The following PDE4D variants were observed in gnomAD, a reference collection of about 807,000 sequenced individuals.
PDE4D encodes the protein phosphodiesterase 4D.
In PDE4D, 24 loss-of-function variants were observed where a neutral mutation model predicts 87.4. The observed-to-expected ratio is 0.27, with a 90% CI of 0.20 to 0.39. PDE4D has a LOEUF of 0.39. Among genes scored for constraint, PDE4D ranks in the 10% least tolerant of loss-of-function variants. The pLI is 1.00. For synonymous variants in PDE4D, 384 were observed against 383.2 expected (o/e 1.00, Z -0.02); for missense variants, 714 against 1,041.0 (o/e 0.69, Z 4.32).
intron 1 of PDE4D, chr5:60,430,285 G>A (rs1156937418): frequency 2.1e-6 from 1 of 484,030 alleles, no homozygotes; most frequent in African/African-American, 2.0e-5. Context: ...ATTCTGCCGG[G>A]CCCAAGTTGG....
At chr5:59,628,547 C>T (rs1831175597) in intron 1 of PDE4D, among the ~76,000 whole-genome samples, 1 of 151,842 alleles carries the variant, frequency 6.6e-6, no homozygotes, top group African/African-American at 2.4e-5. Context: ...ATACTTATAC[C>T]ACCTATTACT....
chr5:59,060,898 G>A (rs1452151730), intron 5 of PDE4D, among the ~76,000 whole-genome samples: 1 of 152,072 alleles, frequency 6.6e-6, no homozygotes, highest in African/African-American at 2.4e-5. Context: ...AATCATTCCA[G>A]CCTGGAAGTC....
At chr5:59,536,090 G>C (rs1391767345) in intron 1 of PDE4D, among the ~76,000 whole-genome samples, 1 of 152,166 alleles carries the variant, frequency 6.6e-6, no homozygotes, top group African/African-American at 2.4e-5. Context: ...TGTAATGAAA[G>C]TGCTGTGAAA....
intron 1 of PDE4D, among the ~76,000 whole-genome samples, chr5:59,841,887 A>C (rs1743063974): frequency 6.6e-6 from 1 of 151,998 alleles, no homozygotes; most frequent in South Asian, 2.1e-4. Context: ...CAAGACTGAA[A>C]CTCCGTGTGT....
At chr5:59,489,988 A>G (rs1805887328) in intron 1 of PDE4D, among the ~76,000 whole-genome samples, 1 of 152,192 alleles carries the variant, frequency 6.6e-6, no homozygotes, top group Admixed American at 6.5e-5. Flanking sequence ...AGATAGTAAA[A>G]TTATAATATC....
At chr5:60,308,203 T>C (rs1754678209) in intron 1 of PDE4D, among the ~76,000 whole-genome samples, 1 of 152,224 alleles carries the variant, frequency 6.6e-6, no homozygotes, top group Admixed American at 6.5e-5. Context: ...ACAAATTCTG[T>C]CTCAACATAT....
chr5:59,069,593 C>T (rs998804232), intron 5 of PDE4D, among the ~76,000 whole-genome samples: 2 of 151,076 alleles, frequency 1.3e-5, no homozygotes, highest in African/African-American at 4.9e-5. Context: ...AAACAGCAGT[C>T]ACAGTCAACA....
chr5:60,377,043 T>C (rs1486087996), intron 1 of PDE4D, among the ~76,000 whole-genome samples: 2 of 152,240 alleles, frequency 1.3e-5, no homozygotes, highest in African/African-American at 4.8e-5. Flanking sequence ...ACAGTGTCTA[T>C]TTTGTTAGTT....
At chr5:59,379,960 T>C (rs938433278) in intron 1 of PDE4D, among the ~76,000 whole-genome samples, 14 of 152,092 alleles carry the variant, frequency 9.2e-5, no homozygotes, top group African/African-American at 3.4e-4. Flanking sequence ...ACCCAGTAGG[T>C]AGAGTTTCCT....
intron 2 of PDE4D, among the ~76,000 whole-genome samples, chr5:60,126,737 T>C (rs1398977089): frequency 1.3e-5 from 2 of 152,172 alleles, no homozygotes; most frequent in East Asian, 1.9e-4. Context: ...AGACTCTCTC[T>C]GTGCTAGGTG....
At chr5:59,252,519 T>C (rs982655936) in intron 1 of PDE4D, among the ~76,000 whole-genome samples, 1 of 151,242 alleles carries the variant, frequency 6.6e-6, no homozygotes, top group Non-Finnish European at 1.5e-5. Context: ...GTTAACCATA[T>C]CATCTGGGTT....
chr5:60,232,003 C>A (rs1745867991), intron 1 of PDE4D, among the ~76,000 whole-genome samples: 1 of 151,756 alleles, frequency 6.6e-6, no homozygotes, highest in Admixed American at 6.6e-5. Flanking sequence ...TAATAAATTC[C>A]CTCTAATCAT....
intron 1 of PDE4D, among the ~76,000 whole-genome samples, chr5:60,328,136 G>C (rs58718949): frequency 0.088 from 13,337 of 152,116 alleles, 1,928 homozygotes; most frequent in African/African-American, 0.31. Context: ...TCATATGGCT[G>C]GATATCTAGC....
chr5:59,771,735 T>A (rs1282390495), intron 1 of PDE4D, among the ~76,000 whole-genome samples: 6 of 152,194 alleles, frequency 3.9e-5, no homozygotes, highest in African/African-American at 1.4e-4. Flanking sequence ...TTGTTAATGA[T>A]CACAATTAAG....
At chr5:59,849,176 T>C (rs977644076) in intron 1 of PDE4D, among the ~76,000 whole-genome samples, 1 of 152,046 alleles carries the variant, frequency 6.6e-6, no homozygotes, top group African/African-American at 2.4e-5. Context: ...GACTCATTAA[T>C]CATTCATTTA....
chr5:59,433,267 G>C (rs530222190), intron 1 of PDE4D, among the ~76,000 whole-genome samples: 81 of 152,220 alleles, frequency 5.3e-4, no homozygotes, highest in Admixed American at 1.7e-3. Context: ...TGTGTCCTAT[G>C]ATGGGTAAAA....
At chr5:59,585,195 A>G (rs991244311) in intron 1 of PDE4D, among the ~76,000 whole-genome samples, 1 of 152,132 alleles carries the variant, frequency 6.6e-6, no homozygotes, top group Non-Finnish European at 1.5e-5. Flanking sequence ...GTTAGAAAAT[A>G]AGCACCTGCC....
chr5:60,428,146 G>A (rs1288156574), intron 1 of PDE4D, among the ~76,000 whole-genome samples: 5 of 152,156 alleles, frequency 3.3e-5, no homozygotes, highest in African/African-American at 1.2e-4. Flanking sequence ...TACTACATTT[G>A]TCAAATGTTA....
intron 1 of PDE4D, among the ~76,000 whole-genome samples, chr5:60,337,388 T>TATATATATATAC (rs66871903): frequency 2.0e-3 from 177 of 89,346 alleles, no homozygotes; most frequent in Middle Eastern, 7.9e-3. Context: ...TATATATATA[T>TATATATATATAC]ACACACACAC....
Sources: allele counts gnomAD v4.1 joint callset (sites outside exome capture counted in the v4.1 genomes callset), GRCh38; gene constraint gnomAD v4.1.1; transcripts MANE v1.5; gene names NCBI Gene and HGNC (gene_info 2026-07-23, HGNC 2026-07-21).